PADI2: variants seen among roughly 807,000 people sequenced by gnomAD.
PADI2 encodes the protein protein-arginine deiminase type-2.
PADI2 carries 70 observed loss-of-function variants against 81.1 expected under a neutral mutation model. That is an observed-to-expected ratio of 0.86 (90% CI 0.71 to 1.05). The LOEUF is 1.05. Among genes scored for constraint, PADI2 ranks in the 50% least tolerant of loss-of-function variants. PADI2 has a pLI of 0.00. For missense variants in PADI2, 853 were observed against 889.9 expected, an observed-to-expected ratio of 0.96 and a Z score of 0.53; for synonymous variants, 338 against 358.0, an observed-to-expected ratio of 0.94 and a Z score of 0.63.
At chr1:17,083,649 G>C in intron 9 of PADI2, 77 bp downstream of exon 9, 1 of 848,098 alleles carries the variant, frequency 1.2e-6, no homozygotes, top group Non-Finnish European at 2.1e-6. Context: ...TGGGTGCCAG[G>C]CAGTTCACAT....
intron 1 of PADI2, among the ~76,000 whole-genome samples, chr1:17,105,935 T>C (rs908417062): frequency 3.9e-5 from 6 of 152,164 alleles, no homozygotes; most frequent in African/African-American, 1.4e-4. Context: ...GAGGCCAGTT[T>C]TGGGAGCCAC....
At chr1:17,073,416 C>CAAAAAAAAAAAAAA (rs55941211) in intron 13 of PADI2, among the ~76,000 whole-genome samples, 7 of 127,456 alleles carry the variant, frequency 5.5e-5, no homozygotes, top group Non-Finnish European at 8.3e-5. Flanking sequence ...GACTGTGTCT[C>CAAAAAAAAAAAAAA]AAAAAAAAAA....
At position 17,084,614 on chromosome 1, in the gene PADI2, G is replaced by A. The variant is rs773702493; in HGVS notation, c.923C>T (p.Ser308Leu). 33 of 1,582,170 alleles carry A rather than the reference G, an allele frequency of 2.1e-5. No homozygotes were observed. Among genetic ancestry groups the A allele is most frequent in the Non-Finnish European group, 2.7e-5 (31 of 1,163,800 alleles). ...CACCCCTTACCAGCACACAAACACCGACACGGGAGGCAGGATGTTGGGGGT... is the reference window on the plus strand; with the variant it reads ...CACCCCTTACCAGCACACAAACACCAACACGGGAGGCAGGATGTTGGGGGT... The part of the protein sequence containing the change: ...IMTPNILPPV[S>L]VFVCCMKDNY... Residue 308 changes from serine (S) to leucine (L), a missense_variant, in exon 8 of 16, where the codon TCG becomes TTG. Transcript: ENST00000375486.
At position 17,068,327 on chromosome 1, in the gene PADI2, C is replaced by G. The variant is rs1296179786; in HGVS notation, c.*717G>C. On this transcript the variant is annotated 3_prime_UTR_variant, in exon 16 of 16. Coordinates refer to ENST00000375486, the MANE Select transcript of PADI2 (RefSeq NM_007365.3). ...GTATGCTGGTCTGGGGAGAAATCCC[C>G]ATGCATGCGGGGGAGCCTGCATCCC... is the stretch of plus-strand genomic sequence containing the variant. The G allele has an allele frequency of 6.5e-6, 1 of 152,710 alleles. No homozygotes were observed. The highest frequency in any genetic ancestry group is 1.5e-5 in the Non-Finnish European group (1 of 68,136). The allele number at this position is 152,710 out of a possible 1,614,324, so 9.5% of individuals were successfully genotyped here.
intron 11 of PADI2, among the ~76,000 whole-genome samples, chr1:17,078,785 T>A (rs2078322941): frequency 6.6e-6 from 1 of 152,098 alleles, no homozygotes; most frequent in African/African-American, 2.4e-5. Flanking sequence ...AACCTCCACC[T>A]CCCAGGCTCA....
At chr1:17,099,076 C>T (rs1931048301) in intron 3 of PADI2, among the ~76,000 whole-genome samples, 1 of 152,186 alleles carries the variant, frequency 6.6e-6, no homozygotes, top group Admixed American at 6.5e-5. Context: ...CGGGAAATGT[C>T]CCTAGGATTG....
At chr1:17,087,060 AAGG>A (rs1163072844) in intron 6 of PADI2, among the ~76,000 whole-genome samples, 3 of 152,200 alleles carry the variant, frequency 2.0e-5, no homozygotes, top group African/African-American at 7.2e-5. Flanking sequence ...CAATCTCAGA[AAGG>A]AGGAGTGGCT....
chr1:17,073,273 C>T (rs1235053978), intron 13 of PADI2, among the ~76,000 whole-genome samples: 2 of 151,928 alleles, frequency 1.3e-5, no homozygotes, highest in African/African-American at 2.4e-5. Flanking sequence ...AAAAATTAGC[C>T]GGGCGTGGTG....
rs1931740242 is a variant in PADI2 at position 17,115,881 on chromosome 1, A to G, written c.92+3399T>C. Among the ~76,000 whole-genome samples, 1 of 152,210 alleles carries G rather than the reference A, an allele frequency of 6.6e-6. No homozygotes were observed. The highest frequency in any genetic ancestry group is 2.4e-5 in the African/African-American group (1 of 41,454). On this transcript the variant is annotated intron_variant, in intron 1 of 15. Coordinates refer to ENST00000375486, the MANE Select transcript of PADI2 (RefSeq NM_007365.3). The surrounding 1 kb of genome is among the most constrained non-coding windows in gnomAD (Gnocchi z 4.1). Reference sequence around the variant, plus strand: ...ACAAACACCCTACTTCCTTCTTTCTATGTATCTATTCATTGCTTGCTGGAG... The same window carrying G: ...ACAAACACCCTACTTCCTTCTTTCTGTGTATCTATTCATTGCTTGCTGGAG...
At position 17,092,486 on chromosome 1, in the gene PADI2, G is replaced by T; in HGVS notation, c.577C>A (p.Arg193Ser). 1 of 1,602,724 alleles carries T rather than the reference G, an allele frequency of 6.2e-7. No homozygotes were observed. Among genetic ancestry groups the T allele is most frequent in the African/African-American group, 1.4e-5 (1 of 72,874 alleles). ...QMILRTKGPDRLPAGYEIVLY... is the reference protein window; with the variant it reads ...QMILRTKGPDSLPAGYEIVLY... ...ACTATCTCGTATCCGGCGGGGAGGC[G>T]GTCGGGGCCTTTGGTCCGCAGGATC... Residue 193 changes from arginine to serine, a missense_variant, in exon 6 of 16, where the codon CGC (arginine) becomes AGC (serine). Coordinates refer to ENST00000375486, the MANE Select transcript of PADI2 (RefSeq NM_007365.3).
rs780539384 is a variant in PADI2, at chr1:17,071,452, T to C, written c.1589A>G (p.Lys530Arg). The C allele has an allele frequency of 3.7e-6, 6 of 1,614,164 alleles. No individual in the cohort carries two copies. The South Asian group carries it at 6.6e-5, about 18-fold the overall frequency. Residue 530 changes from lysine (K) to arginine (R), a missense_variant, in exon 14 of 16, where the codon AAG (lysine) becomes AGG (arginine). Coordinates refer to ENST00000375486, the MANE Select transcript of PADI2 (RefSeq NM_007365.3). ...CACAAGGCTCTCGTTGGACAGAATC[T>C]TGTTGATGGTGATTCGCTTGCTGCT... ...GMSSKRITIN[K>R]ILSNESLVQE...
intron 3 of PADI2, among the ~76,000 whole-genome samples, chr1:17,098,611 T>C (rs927037420): frequency 6.6e-5 from 10 of 152,176 alleles, no homozygotes; most frequent in Admixed American, 1.3e-4. Context: ...TTCAGACAGG[T>C]TTCGTTACCT....
At chr1:17,078,147 T>C (rs935682210) in intron 11 of PADI2, among the ~76,000 whole-genome samples, 2 of 152,230 alleles carry the variant, frequency 1.3e-5, no homozygotes, top group African/African-American at 4.8e-5. Context: ...GTTTCACTCT[T>C]GTTGCCCAGG....
At position 17,102,758 on chromosome 1, in the gene PADI2, G is replaced by GGC. The variant is rs1337126366; in HGVS notation, c.349+228_349+229insGC. On this transcript the variant is annotated intron_variant, in intron 3 of 15. Coordinates refer to ENST00000375486, the MANE Select transcript of PADI2 (RefSeq NM_007365.3). ...GAAGGGGACCTTGACACTTGGGGGGGGGTTGCTGATGGATCAGGGAGTGCC... is the reference window on the plus strand; with the variant it reads ...GAAGGGGACCTTGACACTTGGGGGGGGCGGTTGCTGATGGATCAGGGAGTGCC... Among the ~76,000 whole-genome samples the GGC allele has an allele frequency of 3.3e-5, 5 of 151,246 alleles. No individual in the cohort carries two copies. In the East Asian group the frequency reaches 5.8e-4, roughly 18 times the overall value.
chr1:17,084,631 G>C lies in PADI2; in HGVS notation c.906C>G (p.Asn302Lys), dbSNP rs760211065. The C allele has an allele frequency of 2.1e-5, 34 of 1,583,268 alleles. No homozygotes were observed. The highest frequency in any genetic ancestry group is 2.7e-5 in the Non-Finnish European group (31 of 1,164,542). Residue 302 changes from asparagine to lysine, a missense_variant, in exon 8 of 16, where the codon AAC (asparagine) becomes AAG (lysine). Transcript: ENST00000375486. ...CAAACACCGACACGGGAGGCAGGAT[G>C]TTGGGGGTCATGATCCACGGAGCAA... ...FRIAPWIMTP[N>K]ILPPVSVFVC...
At chr1:17,090,581 T>TTG (rs3036949) in intron 6 of PADI2, among the ~76,000 whole-genome samples, 4,771 of 142,804 alleles carry the variant, frequency 0.033, 271 homozygotes, top group African/African-American at 0.11. Context: ...CGTCCTTTGC[T>TTG]TGTGTGTGTG....
chr1:17,085,351 G>C (rs557933672), intron 7 of PADI2, among the ~76,000 whole-genome samples: 2 of 152,170 alleles, frequency 1.3e-5, no homozygotes, highest in Non-Finnish European at 2.9e-5. Context: ...TGCGGGGGTG[G>C]TGGGACTGTT....
In PADI2 at chr1:17,104,635, G is replaced by A. The variant is rs12058264; in HGVS notation, c.276+243C>T. Among the ~76,000 whole-genome samples the A allele has an allele frequency of 5.1e-3, 777 of 151,834 alleles. 6 individuals carry two copies. The highest frequency in any genetic ancestry group is 0.017 in the African/African-American group (714 of 41,444). ...TTTTTAGTAGAGACAGGGTTTCACC[G>A]TGTTAGCCAGGATGGTCTCGATCTC... On this transcript the variant is annotated intron_variant, in intron 2 of 15. Transcript: ENST00000375486.
At chr1:17,087,315 T>A (rs538364221) in intron 6 of PADI2, among the ~76,000 whole-genome samples, 13 of 152,262 alleles carry the variant, frequency 8.5e-5, no homozygotes, top group Non-Finnish European at 1.8e-4. Context: ...AGCTCCCAGT[T>A]TGACTTGTGC....
Sources: gnomAD v4.1 joint callset for allele counts (sites outside exome capture counted in the v4.1 genomes callset) on GRCh38, gnomAD v4.1.1 for gene constraint, Gnocchi (gnomAD v3.1) non-coding constraint, MANE v1.5 for transcripts, NCBI Gene and HGNC (gene_info 2026-07-23, HGNC 2026-07-21) for gene names.